Variants in GPT2 observed in about 807,000 individuals in gnomAD.
GPT2 encodes the protein alanine aminotransferase 2.
Under a neutral mutation model 56.9 loss-of-function variants are expected in GPT2, and 30 were observed. The observed-to-expected ratio is 0.53, with a 90% confidence interval of 0.39 to 0.72. The LOEUF is 0.72. Ranked by LOEUF, GPT2 falls within the 30% of genes least tolerant of loss-of-function variation. GPT2 has a pLI of 0.00. For synonymous variants in GPT2, 271 were observed against 283.1 expected (o/e 0.96, Z 0.43); for missense variants, 542 against 703.4 (o/e 0.77, Z 2.60).
At chr16:46,903,479 T>C (rs1960859898) in intron 4 of GPT2, among the ~76,000 whole-genome samples, 1 of 151,998 alleles carries the variant, frequency 6.6e-6, no homozygotes, top group African/African-American at 2.4e-5. Context: ...CAGCCAACTT[T>C]TATATTTTTT....
intron 4 of GPT2, among the ~76,000 whole-genome samples, chr16:46,906,381 AAG>A (rs1960926318): frequency 6.6e-6 from 1 of 152,140 alleles, no homozygotes; most frequent in Non-Finnish European, 1.5e-5. Flanking sequence ...TTTGGAGCCT[AAG>A]TGTTGGCCCA....
chr16:46,894,765 A>G (rs887205347), intron 2 of GPT2, among the ~76,000 whole-genome samples: 9 of 151,598 alleles, frequency 5.9e-5, no homozygotes, highest in African/African-American at 2.2e-4. Flanking sequence ...TCCCAGCTTC[A>G]TGCCATTCTC....
intron 3 of GPT2, among the ~76,000 whole-genome samples, chr16:46,899,309 A>G (rs1290406112): frequency 5.3e-5 from 8 of 152,002 alleles, no homozygotes; most frequent in Non-Finnish European, 1.2e-4. Context: ...CCACACTGGG[A>G]TTGAGGCCCA....
rs140453127 is a variant in GPT2, at chr16:46,889,792, C to T, written c.243+4834C>T. Among the ~76,000 whole-genome samples the T allele has an allele frequency of 3.5e-4, 54 of 152,324 alleles. No homozygotes were observed. The East Asian group carries it at 0.01, about 28-fold the overall frequency. ...TTGAACAGCTGTGAAGCTAATTAGA[C>T]CTGCCAAGTCTTCCTTCTGAAGCTA... On this transcript the variant is annotated intron_variant, in intron 2 of 11. Coordinates refer to ENST00000340124, the MANE Select transcript of GPT2 (RefSeq NM_133443.4).
At position 46,907,882 on chromosome 16, in the gene GPT2, G is replaced by A. The variant is rs112937168; in HGVS notation, c.576+907G>A. ...TACCGATGGGGTCGGGGAGGGCTGG[G>A]GCCAGTGGTTACTTGCAGTCTGGAG... On this transcript the variant is annotated intron_variant, in intron 5 of 11. Coordinates refer to ENST00000340124, the MANE Select transcript of GPT2 (RefSeq NM_133443.4). Among the ~76,000 whole-genome samples the A allele has an allele frequency of 1.8e-4, 27 of 152,246 alleles. 1 individual carries two copies. Among genetic ancestry groups the A allele is most frequent in the Non-Finnish European group, 2.6e-4 (18 of 68,046 alleles).
intron 6 of GPT2, chr16:46,915,704 A>T (rs1961139136): frequency 6.9e-6 from 1 of 145,866 alleles, no homozygotes; most frequent in African/African-American, 2.6e-5. Context: ...CCACACACAG[A>T]TACACACACA....
chr16:46,925,694 C>T (rs1362223470), intron 10 of GPT2, among the ~76,000 whole-genome samples: 1 of 152,008 alleles, frequency 6.6e-6, no homozygotes, highest in African/African-American at 2.4e-5. Context: ...CTGGGTGGTG[C>T]ATGCCTGTGG....
At chr16:46,914,355 G>A (rs1032763050) in intron 6 of GPT2, among the ~76,000 whole-genome samples, 10 of 152,234 alleles carry the variant, frequency 6.6e-5, no homozygotes, top group Non-Finnish European at 1.3e-4. Flanking sequence ...TGGGTACATG[G>A]TAAAACCTCT....
intron 8 of GPT2, among the ~76,000 whole-genome samples, chr16:46,920,049 A>T (rs1356229207): frequency 6.6e-6 from 1 of 152,168 alleles, no homozygotes; most frequent in Non-Finnish European, 1.5e-5. Flanking sequence ...TCTACAAAAA[A>T]ATGTTTTAAA....
chr16:46,887,072 C>G lies in GPT2; in HGVS notation c.243+2114C>G, dbSNP rs186259185. 1.6e-4 allele frequency among the ~76,000 whole-genome samples: 24 copies of G among 152,254 alleles called. No individual in the cohort carries two copies. In the East Asian group the frequency reaches 4.6e-3, roughly 29 times the overall value. On this transcript the variant is annotated intron_variant, in intron 2 of 11. Coordinates refer to ENST00000340124, the MANE Select transcript of GPT2 (RefSeq NM_133443.4). ...GCCAGCTTAAACAGTGCCCTTCTTG[C>G]GAGAGCCACATTTCCCCAGTCCTTT... is the stretch of plus-strand genomic sequence containing the variant.
intron 2 of GPT2, chr16:46,885,586 C>A (rs1960468403): frequency 1.0e-6 from 1 of 978,742 alleles, no homozygotes; most frequent in Non-Finnish European, 1.2e-6. Context: ...AGGTGGGGAA[C>A]CAGAGAGTTG....
Position 46,929,084 on chromosome 16 carries a change from C to T in GPT2, c.*87C>T. 2.9e-6 allele frequency: 3 copies of T among 1,037,052 alleles called. No individual in the cohort carries two copies. The South Asian group carries it at 3.9e-5, about 13-fold the overall frequency. The allele number at this position is 1,037,052 out of a possible 1,614,324, so 64.2% of individuals were successfully genotyped here. A position where few individuals can be genotyped will look rare whatever the true frequency, so the allele number is the denominator to read the frequency against. On this transcript the variant is annotated 3_prime_UTR_variant, in exon 12 of 12. Coordinates refer to ENST00000340124, the MANE Select transcript of GPT2 (RefSeq NM_133443.4). ...GAACTCGCCTCCCCCGTGACTCTGCCTCGGGCCTCGCAGAGGCCGCTGGTC... is the reference window on the plus strand; with the variant it reads ...GAACTCGCCTCCCCCGTGACTCTGCTTCGGGCCTCGCAGAGGCCGCTGGTC...
At chr16:46,887,068 C>T (rs1038497115) in intron 2 of GPT2, among the ~76,000 whole-genome samples, 4 of 152,174 alleles carry the variant, frequency 2.6e-5, no homozygotes, top group African/African-American at 9.7e-5. Flanking sequence ...CAGTGCCCTT[C>T]TTGCGAGAGC....
chr16:46,910,531 G>A (rs1961029941), intron 6 of GPT2, among the ~76,000 whole-genome samples: 1 of 152,062 alleles, frequency 6.6e-6, no homozygotes, highest in Non-Finnish European at 1.5e-5. Flanking sequence ...CTCCAGCCTG[G>A]GCAATAGAAT....
intron 5 of GPT2, among the ~76,000 whole-genome samples, chr16:46,908,846 C>T (rs1006641126): frequency 6.6e-6 from 1 of 152,174 alleles, no homozygotes; most frequent in African/African-American, 2.4e-5. Context: ...TTTAAAATCT[C>T]GTGGCATTTT....
rs79962273 is a variant in GPT2 at position 46,890,222 on chromosome 16, C to A, written c.243+5264C>A. Among the ~76,000 whole-genome samples the A allele has an allele frequency of 2.1e-4, 32 of 152,300 alleles. 1 individual carries two copies. The East Asian group carries it at 6.2e-3, about 29-fold the overall frequency. On this transcript the variant is annotated intron_variant, in intron 2 of 11. Coordinates refer to ENST00000340124, the MANE Select transcript of GPT2 (RefSeq NM_133443.4). ...GCTGAGCCTCAGCTGTGAAATGGAC[C>A]TGTTTTCTGGGACTGTGGGGTCTAG... is the stretch of plus-strand genomic sequence containing the variant.
At chr16:46,908,389 G>T (rs1453518521) in intron 5 of GPT2, among the ~76,000 whole-genome samples, 1 of 151,716 alleles carries the variant, frequency 6.6e-6, no homozygotes, top group African/African-American at 2.4e-5. Flanking sequence ...GTCCTGGGGT[G>T]GGGGGACTGG....
intron 2 of GPT2, among the ~76,000 whole-genome samples, chr16:46,890,944 G>T (rs932263679): frequency 6.6e-6 from 1 of 152,024 alleles, no homozygotes; most frequent in Non-Finnish European, 1.5e-5. Context: ...TGTGATCTCG[G>T]CTCACCCCAA....
chr16:46,895,161 G>T (rs1390543575), intron 2 of GPT2, among the ~76,000 whole-genome samples: 2 of 152,146 alleles, frequency 1.3e-5, no homozygotes, highest in African/African-American at 4.8e-5. Context: ...TGGCACACTA[G>T]GGCCAGAAAA....
Sources: allele counts gnomAD v4.1 joint callset (sites outside exome capture counted in the v4.1 genomes callset), GRCh38; gene constraint gnomAD v4.1.1; transcripts MANE v1.5; gene names NCBI Gene and HGNC (gene_info 2026-07-23, HGNC 2026-07-21).